The following RBM26 variants were observed in gnomAD, a reference collection of about 807,000 sequenced individuals.
RBM26 encodes RNA binding motif protein 26, also known as RNA-binding protein 26.
RBM26 carries 30 observed loss-of-function variants against 123.6 expected under a neutral mutation model. That is an observed-to-expected ratio of 0.24 (90% CI 0.18 to 0.33). The LOEUF (loss-of-function observed/expected upper bound fraction) is 0.33, where lower values mean the gene tolerates loss of function less well. RBM26 is among the 10% of genes least tolerant of loss of function. RBM26 has a pLI of 1.00. For synonymous variants in RBM26, 400 were observed against 404.4 expected (o/e 0.99, Z 0.13); for missense variants, 947 against 1,203.6 (o/e 0.79, Z 3.15).
At chr13:79,340,551 T>C (rs893762342) in intron 18 of RBM26, among the ~76,000 whole-genome samples, 67 of 152,168 alleles carry the variant, frequency 4.4e-4, no homozygotes, top group African/African-American at 1.4e-3. Context: ...TTGAACCTCT[T>C]TTTGCTATTC....
intron 3 of RBM26, among the ~76,000 whole-genome samples, chr13:79,373,361 A>C (rs1430437016): frequency 1.9e-5 from 2 of 104,178 alleles, no homozygotes; most frequent in African/African-American, 7.8e-5. Flanking sequence ...TAAAATATAT[A>C]AATATATAAT....
chr13:79,324,001 AAT>A (rs2068020423), intron 20 of RBM26, among the ~76,000 whole-genome samples: 1 of 151,748 alleles, frequency 6.6e-6, no homozygotes, highest in Admixed American at 6.6e-5. Context: ...TCAAGAAACC[AAT>A]ATTTCAGGTA....
intron 5 of RBM26, 71 bp from the exon 6 acceptor site, chr13:79,369,061 T>C (rs1314152740): frequency 1.4e-5 from 14 of 985,590 alleles, no homozygotes; most frequent in South Asian, 5.6e-5. Context: ...ATCTAAGAAA[T>C]AGTGATATTT....
At chr13:79,391,701 G>A (rs1313895625) in intron 1 of RBM26, among the ~76,000 whole-genome samples, 1 of 152,068 alleles carries the variant, frequency 6.6e-6, no homozygotes, top group Non-Finnish European at 1.5e-5. Flanking sequence ...TGGGATTACA[G>A]GCGTGAGCCA....
At chr13:79,348,497 T>C (rs2072691312) in intron 14 of RBM26, among the ~76,000 whole-genome samples, 1 of 152,072 alleles carries the variant, frequency 6.6e-6, no homozygotes, top group South Asian at 2.1e-4. Context: ...GTTATCCGAG[T>C]ATGATTTTTC....
At chr13:79,397,649 T>C (rs925285061) in intron 1 of RBM26, among the ~76,000 whole-genome samples, 6 of 112,462 alleles carry the variant, frequency 5.3e-5, no homozygotes, top group African/African-American at 2.1e-4. Flanking sequence ...GCCACTGCAA[T>C]CCAGCCTGGG....
intron 20 of RBM26, among the ~76,000 whole-genome samples, chr13:79,332,699 G>A (rs1046105093): frequency 6.6e-6 from 1 of 152,068 alleles, no homozygotes; most frequent in Non-Finnish European, 1.5e-5. Context: ...CAACCTTCAT[G>A]TAATTCAGTG....
intron 1 of RBM26, among the ~76,000 whole-genome samples, chr13:79,385,384 T>G (rs1048470393): frequency 6.6e-6 from 1 of 152,208 alleles, no homozygotes; most frequent in African/African-American, 2.4e-5. Flanking sequence ...TAAGCATATC[T>G]AAATATGATC....
chr13:79,392,640 T>A (rs1383054121), intron 1 of RBM26, among the ~76,000 whole-genome samples: 1 of 149,188 alleles, frequency 6.7e-6, no homozygotes, highest in Admixed American at 6.7e-5. Context: ...CTAACTTTTA[T>A]AAAACAAACA....
Position 79,320,114 on chromosome 13 carries a change from C to T in RBM26, c.*507G>A. ...CCATATGGTAAAATACATACACAGT[C>T]CAACAAAAGGCTAATACATAGTAAA... On this transcript the variant is annotated 3_prime_UTR_variant, in exon 22 of 22. Transcript: ENST00000438737. 1.0e-6 allele frequency: 1 copy of T among 971,442 alleles called. No individual in the cohort carries two copies. The highest frequency in any genetic ancestry group is 1.2e-6 in the Non-Finnish European group (1 of 817,730). 60.2% of individuals were successfully genotyped at this position (971,442 alleles called of 1,614,324 possible). A position where few individuals can be genotyped will look rare whatever the true frequency, so the allele number is the denominator to read the frequency against.
intron 1 of RBM26, among the ~76,000 whole-genome samples, chr13:79,392,972 A>G (rs976451754): frequency 6.6e-6 from 1 of 152,216 alleles, no homozygotes; most frequent in Non-Finnish European, 1.5e-5. Context: ...TTTAGCAGTC[A>G]TATACACATG....
intron 1 of RBM26, among the ~76,000 whole-genome samples, chr13:79,384,249 T>G (rs1487683490): frequency 2.6e-5 from 4 of 151,820 alleles, no homozygotes; most frequent in Non-Finnish European, 4.4e-5. Flanking sequence ...ATAAAGTTTT[T>G]TTTTTTTTTT....
chr13:79,372,766 T>G (rs1416052823), intron 3 of RBM26, among the ~76,000 whole-genome samples: 1 of 98,586 alleles, frequency 1.0e-5, no homozygotes, highest in Non-Finnish European at 1.8e-5. Context: ...TTATATATTT[T>G]ATATTATATA....
chr13:79,357,179 T>C (rs1446484425), intron 11 of RBM26, among the ~76,000 whole-genome samples: 2 of 152,158 alleles, frequency 1.3e-5, no homozygotes, highest in Non-Finnish European at 2.9e-5. Context: ...AACCATTTCC[T>C]TTAAATTCTA....
Position 79,318,875 on chromosome 13 carries a change from GACT to G in RBM26, c.*1743_*1745del. On this transcript the variant is annotated 3_prime_UTR_variant, in exon 22 of 22. Transcript: ENST00000438737. ...CCTCTGCCAATTTGGCACCTTTCAC[GACT>G]ACTAAAAAGAAAAGAAAACAAACTT... is the stretch of plus-strand genomic sequence containing the variant. 1 of 978,484 alleles carries G rather than the reference GACT, an allele frequency of 1.0e-6. No individual in the cohort carries two copies. The highest frequency in any genetic ancestry group is 1.2e-6 in the Non-Finnish European group (1 of 823,926). The allele number at this position is 978,484 out of a possible 1,614,324, so 60.6% of individuals were successfully genotyped here. A position where few individuals can be genotyped will look rare whatever the true frequency, so the allele number is the denominator to read the frequency against.
chr13:79,367,535 GGT>G (rs1566477217), intron 6 of RBM26, among the ~76,000 whole-genome samples: 72 of 151,712 alleles, frequency 4.7e-4, no homozygotes, highest in African/African-American at 1.7e-3. Flanking sequence ...TGAATAGCTT[GGT>G]GCCCTCCCAA....
In RBM26 at chr13:79,353,185, CA is replaced by C; in HGVS notation, c.2025del (p.Phe675LeufsTer20). 1 of 1,592,784 alleles carries C rather than the reference CA, an allele frequency of 6.3e-7. No individual in the cohort carries two copies. The highest frequency in any genetic ancestry group is 8.6e-7 in the Non-Finnish European group (1 of 1,168,740). On this transcript the variant is annotated frameshift_variant, in exon 14 of 22. Coordinates refer to ENST00000438737, the MANE Select transcript of RBM26 (RefSeq NM_001366735.2). LOFTEE classifies it high-confidence loss of function. ...TKLSVKDRLG[F>X]VSKPSVSATE... ...GTTGCTGAAACAGATGGCTTTGATA[CA>C]AAACCCAACCTGTCCTTCACAGATA...
chr13:79,357,933 A>C (rs1047350834), intron 11 of RBM26, among the ~76,000 whole-genome samples: 1 of 144,292 alleles, frequency 6.9e-6, no homozygotes, highest in African/African-American at 2.6e-5. Context: ...CCCAGGCTGG[A>C]GTGCAGTGGC....
intron 3 of RBM26, among the ~76,000 whole-genome samples, chr13:79,373,388 TATATATA>T (rs1311245688): frequency 1.1e-5 from 1 of 90,200 alleles, no homozygotes; most frequent in Non-Finnish European, 2.0e-5. Flanking sequence ...TATATATAAA[TATATATA>T]ATATATATTA....
Sources: allele counts gnomAD v4.1 joint callset (sites outside exome capture counted in the v4.1 genomes callset), GRCh38; gene constraint gnomAD v4.1.1; transcripts MANE v1.5; gene names NCBI Gene and HGNC (gene_info 2026-07-23, HGNC 2026-07-21).